Variants in SH3RF3 observed in about 807,000 individuals in gnomAD.
SH3RF3 encodes the protein E3 ubiquitin-protein ligase SH3RF3.
In SH3RF3, 29 loss-of-function variants were observed where a neutral mutation model predicts 66.3. That is an observed-to-expected ratio of 0.44 (90% confidence interval 0.33 to 0.60). SH3RF3 has a LOEUF of 0.60. Ranked by LOEUF, SH3RF3 falls within the 20% of genes least tolerant of loss-of-function variation. SH3RF3 has a pLI of 0.04. For synonymous variants in SH3RF3, 583 were observed against 532.0 expected (o/e 1.10, Z -1.32); for missense variants, 1,194 against 1,190.9 (o/e 1.00, Z -0.04).
At chr2:109,159,057 C>T (rs1677420095) in intron 1 of SH3RF3, among the ~76,000 whole-genome samples, 1 of 152,204 alleles carries the variant, frequency 6.6e-6, no homozygotes, top group Non-Finnish European at 1.5e-5. Context: ...GCAGAGGGTG[C>T]AGTGAACCCA....
intron 4 of SH3RF3, 24 bp from the exon 5 acceptor site, chr2:109,419,515 C>T (rs1676814593): frequency 6.4e-7 from 1 of 1,570,426 alleles, no homozygotes; most frequent in Non-Finnish European, 8.6e-7. Context: ...CTCCTCACTC[C>T]TGTCCCCTCT....
intron 1 of SH3RF3, among the ~76,000 whole-genome samples, chr2:109,232,776 G>A (rs1029492520): frequency 6.6e-6 from 1 of 152,108 alleles, no homozygotes; most frequent in Non-Finnish European, 1.5e-5. Flanking sequence ...TAATTAAAGG[G>A]TCCCCTAAAC....
intron 1 of SH3RF3, among the ~76,000 whole-genome samples, chr2:109,135,840 G>A (rs913865384): frequency 2.0e-5 from 3 of 152,112 alleles, no homozygotes; most frequent in Admixed American, 2.0e-4. Context: ...ATTATCAGAG[G>A]CAGTGTTCAT....
intron 1 of SH3RF3, among the ~76,000 whole-genome samples, chr2:109,247,770 A>C (rs1679951217): frequency 6.6e-6 from 1 of 152,202 alleles, no homozygotes; most frequent in African/African-American, 2.4e-5. Context: ...GGCTTAAAAT[A>C]ATACCTTTTT....
At chr2:109,303,422 G>A (rs1681517780) in intron 1 of SH3RF3, among the ~76,000 whole-genome samples, 1 of 152,250 alleles carries the variant, frequency 6.6e-6, no homozygotes, top group East Asian at 1.9e-4. Context: ...TATTTTTAAT[G>A]TAGGATGATC....
At chr2:109,136,425 G>A (rs893700207) in intron 1 of SH3RF3, among the ~76,000 whole-genome samples, 11 of 152,200 alleles carry the variant, frequency 7.2e-5, no homozygotes, top group African/African-American at 2.2e-4. Context: ...CGAGCTGAAG[G>A]TATTGGCAAC....
At chr2:109,344,981 A>T (rs1682651611) in intron 1 of SH3RF3, among the ~76,000 whole-genome samples, 1 of 152,156 alleles carries the variant, frequency 6.6e-6, no homozygotes, top group Non-Finnish European at 1.5e-5. Flanking sequence ...GGTCTGCATC[A>T]GTGAAGGGGG....
chr2:109,234,944 G>A (rs1679609253), intron 1 of SH3RF3, among the ~76,000 whole-genome samples: 1 of 152,208 alleles, frequency 6.6e-6, no homozygotes, highest in Admixed American at 6.5e-5. Context: ...TTGTATGAGT[G>A]TCCTAACCTC....
intron 1 of SH3RF3, among the ~76,000 whole-genome samples, chr2:109,339,689 A>G (rs1178939328): frequency 9.9e-5 from 15 of 152,194 alleles, no homozygotes; most frequent in Admixed American, 9.8e-4. Context: ...GGACTTGCTC[A>G]AGTACTCCTC....
chr2:109,175,830 A>G (rs1408245340), intron 1 of SH3RF3, among the ~76,000 whole-genome samples: 1 of 152,238 alleles, frequency 6.6e-6, no homozygotes, highest in Admixed American at 6.5e-5. Context: ...CTGCCATGCC[A>G]GTAATAGTTT....
At chr2:109,313,229 C>T (rs927835439) in intron 1 of SH3RF3, among the ~76,000 whole-genome samples, 4 of 152,212 alleles carry the variant, frequency 2.6e-5, no homozygotes, top group African/African-American at 7.2e-5. Context: ...TCCTTGACAC[C>T]GGCATGATAT....
At chr2:109,209,828 T>A (rs575499299) in intron 1 of SH3RF3, among the ~76,000 whole-genome samples, 1 of 152,346 alleles carries the variant, frequency 6.6e-6, no homozygotes, top group Admixed American at 6.5e-5. Context: ...GATTTATTAT[T>A]GTGACAAAAC....
chr2:109,319,819 G>A (rs1681979599), intron 1 of SH3RF3, among the ~76,000 whole-genome samples: 1 of 152,176 alleles, frequency 6.6e-6, no homozygotes. Context: ...CCAAACAAAG[G>A]CACCTCTGTC....
intron 8 of SH3RF3, among the ~76,000 whole-genome samples, chr2:109,455,065 C>T (rs997142397): frequency 6.6e-6 from 1 of 152,150 alleles, no homozygotes; most frequent in Non-Finnish European, 1.5e-5. Flanking sequence ...GCTCAGAGAC[C>T]TTCAGAGACT....
At chr2:109,247,377 A>G (rs1359193885) in intron 1 of SH3RF3, among the ~76,000 whole-genome samples, 2 of 152,220 alleles carry the variant, frequency 1.3e-5, no homozygotes, top group African/African-American at 4.8e-5. Flanking sequence ...TTACTTCCTA[A>G]GTAACCTAGC....
At chr2:109,302,684 C>T (rs186574509) in intron 1 of SH3RF3, among the ~76,000 whole-genome samples, 7 of 152,332 alleles carry the variant, frequency 4.6e-5, no homozygotes, top group African/African-American at 1.7e-4. Flanking sequence ...TTTCCACAGT[C>T]CTGCCATTGG....
intron 1 of SH3RF3, among the ~76,000 whole-genome samples, chr2:109,257,427 G>A (rs546910045): frequency 8.9e-4 from 135 of 152,008 alleles, no homozygotes; most frequent in Non-Finnish European, 1.6e-3. Flanking sequence ...AAGGAAGGGA[G>A]GAAGGGACGG....
At chr2:109,154,974 TG>T (rs1440486782) in intron 1 of SH3RF3, among the ~76,000 whole-genome samples, 1 of 152,186 alleles carries the variant, frequency 6.6e-6, no homozygotes, top group Non-Finnish European at 1.5e-5. Flanking sequence ...CAGGACATGT[TG>T]GATTGATAGC....
chr2:109,269,975 ATTAATGAAG>A (rs1231721611), intron 1 of SH3RF3, among the ~76,000 whole-genome samples: 1 of 152,250 alleles, frequency 6.6e-6, no homozygotes, highest in African/African-American at 2.4e-5. Flanking sequence ...CTGTACAGAA[ATTAATGAAG>A]CCCTAGGAAA....
Sources: gnomAD v4.1 joint callset for allele counts (sites outside exome capture counted in the v4.1 genomes callset) on GRCh38, gnomAD v4.1.1 for gene constraint, MANE v1.5 for transcripts, NCBI Gene and HGNC (gene_info 2026-07-23, HGNC 2026-07-21) for gene names.